The following MALRD1 variants were observed in gnomAD, a reference collection of about 807,000 sequenced individuals.
MALRD1 encodes the protein MAM and LDL receptor class A domain containing 1, also known as MAM and LDL-receptor class A domain-containing protein 1.
In MALRD1, 247 loss-of-function variants were observed where a neutral mutation model predicts 242.1. The ratio of observed to expected loss-of-function variants is 1.02; its 90% CI spans 0.92 to 1.13. The LOEUF (loss-of-function observed/expected upper bound fraction) is 1.13. Ranked by LOEUF, MALRD1 falls within the 50% of genes most tolerant of loss-of-function variation. The probability of loss-of-function intolerance (pLI) is 0.00; values close to 1 mark genes in which losing one functional copy is unlikely to be tolerated. For synonymous variants in MALRD1, 995 were observed against 866.6 expected (o/e 1.15, Z -2.60); for missense variants, 2,989 against 2,533.1 (o/e 1.18, Z -3.86).
intron 34 of MALRD1, among the ~76,000 whole-genome samples, chr10:19,596,464 T>G (rs1425429985): frequency 6.6e-6 from 1 of 152,138 alleles, no homozygotes; most frequent in Admixed American, 6.5e-5. Flanking sequence ...GTGCAGTGGC[T>G]CAGGCCTATT....
intron 33 of MALRD1, among the ~76,000 whole-genome samples, chr10:19,585,135 C>T (rs367695553): frequency 5.3e-5 from 8 of 152,092 alleles, no homozygotes; most frequent in East Asian, 1.9e-4. Context: ...TCGTGAGATG[C>T]GTTTCCTGAA....
rs1834405744 is a variant in MALRD1, at chr10:19,048,890, T to G, written c.-49T>G. 3.4e-6 allele frequency: 4 copies of G among 1,190,798 alleles called. No homozygotes were observed. Among genetic ancestry groups the G allele is most frequent in the Non-Finnish European group, 4.2e-6 (4 of 948,952 alleles). 73.8% of individuals were successfully genotyped at this position (1,190,798 alleles called of 1,614,324 possible). On this transcript the variant is annotated 5_prime_UTR_variant, in exon 1 of 40. An upstream start codon of the reference 5' UTR is lost. Coordinates refer to ENST00000454679, the MANE Select transcript of MALRD1 (RefSeq NM_001142308.3). ...AGAAATAAAAGAATGTTTCCAATGA[T>G]GGACTTACTTATTACAACTGCTTGA...
chr10:19,646,096 T>A (rs893782939), intron 36 of MALRD1, among the ~76,000 whole-genome samples: 9 of 152,204 alleles, frequency 5.9e-5, no homozygotes, highest in African/African-American at 2.2e-4. Context: ...AATTTTTCTT[T>A]TCTTTTTAAA....
intron 2 of MALRD1, among the ~76,000 whole-genome samples, chr10:19,084,877 A>C (rs1484714258): frequency 6.6e-6 from 1 of 152,056 alleles, no homozygotes; most frequent in Non-Finnish European, 1.5e-5. Flanking sequence ...TTGTCATTTT[A>C]ATAATTAACT....
chr10:19,382,484 T>C (rs1457929580), intron 26 of MALRD1, among the ~76,000 whole-genome samples: 2 of 152,158 alleles, frequency 1.3e-5, no homozygotes, highest in Non-Finnish European at 2.9e-5. Context: ...TATTATGTAA[T>C]CACAAACTAG....
intron 21 of MALRD1, among the ~76,000 whole-genome samples, chr10:19,293,799 G>C (rs1588867529): frequency 6.6e-6 from 1 of 152,024 alleles, no homozygotes; most frequent in East Asian, 1.9e-4. Context: ...AAAATAACTT[G>C]GGTACCAGCG....
chr10:19,198,419 A>G lies in MALRD1; in HGVS notation c.1952-5309A>G, dbSNP rs574226172. ...CGCTAAAGAGGCCTAAACTTATGGA[A>G]CTAAAATCTTTTATGATGGGCTGCA... On this transcript the variant is annotated intron_variant, in intron 14 of 39. Coordinates refer to ENST00000454679, the MANE Select transcript of MALRD1 (RefSeq NM_001142308.3). Among the ~76,000 whole-genome samples the G allele has an allele frequency of 2.4e-4, 37 of 152,320 alleles. No homozygotes were observed. The South Asian group carries it at 7.0e-3, about 29-fold the overall frequency.
At chr10:19,082,786 G>A (rs1449657324) in intron 2 of MALRD1, among the ~76,000 whole-genome samples, 5 of 151,928 alleles carry the variant, frequency 3.3e-5, no homozygotes, top group African/African-American at 1.2e-4. Context: ...TTTGTTTGTT[G>A]TTAATTTAGT....
At chr10:19,730,615 C>A in intron 38 of MALRD1, 91 bp from the exon 39 acceptor site, 1 of 1,231,896 alleles carries the variant, frequency 8.1e-7, no homozygotes, top group Non-Finnish European at 1.1e-6. Flanking sequence ...GACAACATGT[C>A]TCTCAAAAGT....
Position 19,241,128 on chromosome 10 carries a change from G to A in MALRD1, c.2992-16556G>A, listed in dbSNP as rs139785799. 5.8e-3 allele frequency among the ~76,000 whole-genome samples: 876 copies of A among 152,216 alleles called. 3 individuals are homozygous for A. The highest frequency in any genetic ancestry group is 8.8e-3 in the Non-Finnish European group (598 of 67,996). ...TCATTACTTTTGTGGAAAAGTTTGTGGAGAATTGGTAGTTATTCTTTAACT... is the reference window on the plus strand; with the variant it reads ...TCATTACTTTTGTGGAAAAGTTTGTAGAGAATTGGTAGTTATTCTTTAACT... On this transcript the variant is annotated intron_variant, in intron 18 of 39. Transcript: ENST00000454679.
At chr10:19,447,302 T>C (rs1835051352) in intron 28 of MALRD1, among the ~76,000 whole-genome samples, 1 of 152,148 alleles carries the variant, frequency 6.6e-6, no homozygotes, top group African/African-American at 2.4e-5. Context: ...GAAATAAACC[T>C]CCATTCCACA....
chr10:19,628,084 CGTT>C (rs1406716700), intron 36 of MALRD1, among the ~76,000 whole-genome samples: 1 of 151,626 alleles, frequency 6.6e-6, no homozygotes, highest in East Asian at 1.9e-4. Flanking sequence ...CAAAGTAAGT[CGTT>C]GATATCCTGT....
At chr10:19,595,713 A>G (rs570187218) in intron 34 of MALRD1, among the ~76,000 whole-genome samples, 8 of 152,252 alleles carry the variant, frequency 5.3e-5, no homozygotes, top group East Asian at 3.9e-4. Flanking sequence ...AGTCATTCAT[A>G]TGGGAGATGC....
At chr10:19,154,171 A>G (rs1834043519) in intron 11 of MALRD1, among the ~76,000 whole-genome samples, 1 of 152,210 alleles carries the variant, frequency 6.6e-6, no homozygotes, top group African/African-American at 2.4e-5. Flanking sequence ...TTTAAAAACA[A>G]TATAAACTGG....
At chr10:19,619,802 A>C (rs540028284) in intron 36 of MALRD1, among the ~76,000 whole-genome samples, 17 of 152,060 alleles carry the variant, frequency 1.1e-4, no homozygotes, top group African/African-American at 3.9e-4. Context: ...CTAAATTACT[A>C]TCTGACAAAT....
At chr10:19,488,941 G>C (rs757033431) in intron 29 of MALRD1, 2 of 411,658 alleles carry the variant, frequency 4.9e-6, no homozygotes, top group African/African-American at 2.1e-5. Flanking sequence ...TTAAGATCCC[G>C]TGTACTGAAA....
chr10:19,689,341 T>C (rs1177699950), intron 36 of MALRD1, among the ~76,000 whole-genome samples: 2 of 152,144 alleles, frequency 1.3e-5, no homozygotes, highest in South Asian at 2.1e-4. Flanking sequence ...CATATAGGCA[T>C]GAAGGTTTGT....
At chr10:19,148,245 C>T (rs1039391834) in intron 11 of MALRD1, among the ~76,000 whole-genome samples, 12 of 151,896 alleles carry the variant, frequency 7.9e-5, no homozygotes, top group Admixed American at 1.3e-4. Flanking sequence ...CAGTGTGTCA[C>T]GGTGGTCTGA....
chr10:19,270,973 T>C (rs1188643046), intron 19 of MALRD1, among the ~76,000 whole-genome samples: 1 of 152,086 alleles, frequency 6.6e-6, no homozygotes, highest in Non-Finnish European at 1.5e-5. Context: ...GGGAAACACA[T>C]GGATAAACCT....
Sources: allele counts gnomAD v4.1 joint callset (sites outside exome capture counted in the v4.1 genomes callset), GRCh38; gene constraint gnomAD v4.1.1; transcripts MANE v1.5; gene names NCBI Gene and HGNC (gene_info 2026-07-23, HGNC 2026-07-21).